ST8SIA5: variants seen among roughly 807,000 people sequenced by gnomAD.
ST8SIA5 encodes ST8 alpha-N-acetyl-neuraminide alpha-2,8-sialyltransferase 5.
Under a neutral mutation model 40.2 loss-of-function variants are expected in ST8SIA5, and 24 were observed. The observed-to-expected ratio is 0.60, with a 90% CI of 0.43 to 0.84. The LOEUF (loss-of-function observed/expected upper bound fraction) is 0.84, where lower values mean the gene tolerates loss of function less well. Among genes scored for constraint, ST8SIA5 ranks in the 40% least tolerant of loss-of-function variants. The pLI is 0.00. For missense variants in ST8SIA5, 465 were observed against 498.5 expected, an observed-to-expected ratio of 0.93 and a Z score of 0.64; for synonymous variants, 198 against 201.8, an observed-to-expected ratio of 0.98 and a Z score of 0.16.
At chr18:46,723,481 G>A (rs2039883520) in intron 1 of ST8SIA5, among the ~76,000 whole-genome samples, 1 of 150,236 alleles carries the variant, frequency 6.7e-6, no homozygotes, top group South Asian at 2.1e-4. Flanking sequence ...GATCCTGGGA[G>A]GTGGAGGTTG....
chr18:46,703,692 G>C (rs372023846), intron 2 of ST8SIA5, among the ~76,000 whole-genome samples: 3 of 152,274 alleles, frequency 2.0e-5, no homozygotes, highest in East Asian at 3.9e-4. Context: ...GGGGACCGAT[G>C]AGTCCATCTG....
chr18:46,714,636 GGGGCGAACCTA>G (rs2039767711), intron 1 of ST8SIA5, among the ~76,000 whole-genome samples: 1 of 152,148 alleles, frequency 6.6e-6, no homozygotes, highest in Admixed American at 6.5e-5. Context: ...CTGTGCGTCT[GGGGCGAACCTA>G]GGCCCACTCA....
chr18:46,739,186 A>G (rs765289308), intron 1 of ST8SIA5, among the ~76,000 whole-genome samples: 33 of 152,224 alleles, frequency 2.2e-4, no homozygotes, highest in Non-Finnish European at 4.0e-4. Flanking sequence ...CTGGGAGGGG[A>G]CAGCGGGTCG....
intron 3 of ST8SIA5, among the ~76,000 whole-genome samples, chr18:46,690,356 C>G (rs1433363420): frequency 6.6e-6 from 1 of 152,160 alleles, no homozygotes; most frequent in Non-Finnish European, 1.5e-5. Context: ...ATCATTGTTC[C>G]ATGAGCTTGA....
At chr18:46,726,034 GAT>G (rs1416818549) in intron 1 of ST8SIA5, among the ~76,000 whole-genome samples, 2 of 60,976 alleles carry the variant, frequency 3.3e-5, no homozygotes, top group African/African-American at 8.4e-5. Flanking sequence ...ATATATCCTG[GAT>G]ATATATATAT....
At chr18:46,746,352 A>G (rs2040140435) in intron 1 of ST8SIA5, among the ~76,000 whole-genome samples, 1 of 152,206 alleles carries the variant, frequency 6.6e-6, no homozygotes, top group Admixed American at 6.5e-5. Context: ...TTAAGCTGAT[A>G]AGCAACTTCA....
rs1050219489 is a variant in ST8SIA5 at position 46,676,905 on chromosome 18, C to T, written c.*3137G>A. The T allele has an allele frequency of 3.5e-4, 54 of 152,312 alleles. No homozygotes were observed. Among genetic ancestry groups the T allele is most frequent in the African/African-American group, 1.3e-3 (53 of 41,572 alleles). The allele number at this position is 152,312 out of a possible 1,614,324, so 9.4% of individuals were successfully genotyped here. ...ATAAACACTGGCTGCAGCAGAAAAA[C>T]TATATCCTGAAAGTCAGGAGACTGG... On this transcript the variant is annotated 3_prime_UTR_variant, in exon 7 of 7. Coordinates refer to ENST00000315087, the MANE Select transcript of ST8SIA5 (RefSeq NM_013305.6).
chr18:46,721,685 A>T (rs1008165011), intron 1 of ST8SIA5, among the ~76,000 whole-genome samples: 1 of 152,214 alleles, frequency 6.6e-6, no homozygotes. Context: ...CCCTCATTCC[A>T]TCTGTACCAG....
intron 1 of ST8SIA5, among the ~76,000 whole-genome samples, chr18:46,709,305 A>C (rs1364010891): frequency 1.3e-5 from 2 of 152,234 alleles, no homozygotes; most frequent in Admixed American, 6.5e-5. Flanking sequence ...GGATGCAGCA[A>C]GAAGCTGCCA....
rs535547190 is a variant in ST8SIA5, at chr18:46,736,194, T to C, written c.131+20184A>G. On this transcript the variant is annotated intron_variant, in intron 1 of 6. Transcript: ENST00000315087. The stretch of plus-strand genomic sequence containing the variant: ...TATGTCTTCGAAATCCAACGTGTAT[T>C]GTATATGTACAGACAGCATGTCTCA... Among the ~76,000 whole-genome samples, 14 of 152,316 alleles carry C rather than the reference T, an allele frequency of 9.2e-5. No homozygotes were observed. The East Asian group carries it at 2.7e-3, about 29-fold the overall frequency.
chr18:46,686,414 G>A, intron 4 of ST8SIA5, 128 bp from the exon 5 acceptor site: 1 of 737,386 alleles, frequency 1.4e-6, no homozygotes. Flanking sequence ...TGGGGAATGT[G>A]GGAGGAAAGC....
intron 3 of ST8SIA5, chr18:46,691,391 A>G (rs2039503957): frequency 6.6e-6 from 1 of 152,166 alleles, no homozygotes; most frequent in Non-Finnish European, 1.5e-5. Flanking sequence ...CTTGTGCAGG[A>G]CTCCTTCATG....
rs1378415193 is a variant in ST8SIA5, at chr18:46,668,844, C to G, written c.*11198G>C. 1 of 152,232 alleles carries G rather than the reference C, an allele frequency of 6.6e-6. No individual in the cohort carries two copies. Among genetic ancestry groups the G allele is most frequent in the Non-Finnish European group, 1.5e-5 (1 of 68,076 alleles). 9.4% of individuals were successfully genotyped at this position (152,232 alleles called of 1,614,324 possible). On this transcript the variant is annotated 3_prime_UTR_variant, in exon 7 of 7. Transcript: ENST00000315087. ...GCTAGCCACAGTGAGGGCCAGACGTCCCACTGGAGAAGAGTACAGGACGAT... is the reference window on the plus strand; with the variant it reads ...GCTAGCCACAGTGAGGGCCAGACGTGCCACTGGAGAAGAGTACAGGACGAT...
At chr18:46,735,282 G>A (rs1271602539) in intron 1 of ST8SIA5, among the ~76,000 whole-genome samples, 1 of 152,158 alleles carries the variant, frequency 6.6e-6, no homozygotes, top group East Asian at 1.9e-4. Flanking sequence ...GGCCTATTGT[G>A]GGACTTCGCT....
chr18:46,728,545 A>G (rs1448768908), intron 1 of ST8SIA5, among the ~76,000 whole-genome samples: 1 of 152,218 alleles, frequency 6.6e-6, no homozygotes, highest in African/African-American at 2.4e-5. Context: ...AGGTTCCCCA[A>G]AGAAGCCCCA....
rs1272223946 is a variant in ST8SIA5 at position 46,676,121 on chromosome 18, A to G, written c.*3921T>C. On this transcript the variant is annotated 3_prime_UTR_variant, in exon 7 of 7. Transcript: ENST00000315087. ...AAATGTTACACGGATGTCAAGGATG[A>G]TATCTGAGAAGTATCTGCTGCTTTG... The G allele has an allele frequency of 6.6e-6, 1 of 152,212 alleles. No individual in the cohort carries two copies. The highest frequency in any genetic ancestry group is 1.5e-5 in the Non-Finnish European group (1 of 68,032). The allele number at this position is 152,212 out of a possible 1,614,324, so 9.4% of individuals were successfully genotyped here.
chr18:46,745,636 G>T (rs967431299), intron 1 of ST8SIA5, among the ~76,000 whole-genome samples: 1 of 152,146 alleles, frequency 6.6e-6, no homozygotes, highest in Non-Finnish European at 1.5e-5. Context: ...TCTACCAGAG[G>T]TACAAAGAGG....
chr18:46,740,393 T>C (rs2509940), intron 1 of ST8SIA5, among the ~76,000 whole-genome samples: 110,057 of 152,046 alleles, frequency 0.72, 40,347 homozygotes, highest in Middle Eastern at 0.8. Context: ...AAATAAATCC[T>C]TAGTCATCAG....
At chr18:46,727,775 C>G (rs1161493028) in intron 1 of ST8SIA5, among the ~76,000 whole-genome samples, 3 of 152,186 alleles carry the variant, frequency 2.0e-5, no homozygotes, top group Non-Finnish European at 4.4e-5. Context: ...GCCCATGTTT[C>G]TTCCTTCTCT....
Sources: allele counts gnomAD v4.1 joint callset (sites outside exome capture counted in the v4.1 genomes callset), GRCh38; gene constraint gnomAD v4.1.1; transcripts MANE v1.5; gene names NCBI Gene and HGNC (gene_info 2026-07-23, HGNC 2026-07-21).